NFATC1: variants seen among roughly 807,000 people sequenced by gnomAD.
NFATC1 encodes nuclear factor of activated T cells 1.
A neutral mutation model predicts 76.0 loss-of-function variants in NFATC1; 22 were observed. That is an observed-to-expected ratio of 0.29 (90% CI 0.21 to 0.41). NFATC1 has a LOEUF of 0.41. Ranked by LOEUF, NFATC1 falls within the 10% of genes least tolerant of loss-of-function variation. The pLI, the probability that NFATC1 is intolerant of heterozygous loss-of-function variation, is 1.00. For missense variants in NFATC1, 1,357 were observed against 1,337.7 expected (o/e 1.01, Z -0.23); for synonymous variants, 704 against 613.1 (o/e 1.15, Z -2.19).
chr18:79,428,344 A>G (rs2086471262), intron 2 of NFATC1, among the ~76,000 whole-genome samples: 1 of 152,212 alleles, frequency 6.6e-6, no homozygotes, highest in Non-Finnish European at 1.5e-5. Flanking sequence ...GTAAAGATGC[A>G]AACAGCAGGC....
At position 79,524,767 on chromosome 18, in the gene NFATC1, G is replaced by A. The variant is rs915867859; in HGVS notation, c.2783-2761G>A. ...CGGGGGACACACCGAGGAACTTTCCGCCCCCCGACGGGCTCTCCCACCGAG... is the reference window on the plus strand; with the variant it reads ...CGGGGGACACACCGAGGAACTTTCCACCCCCCGACGGGCTCTCCCACCGAG... On this transcript the variant is annotated intron_variant, in intron 9 of 9. Transcript: ENST00000427363. The surrounding 1 kb of genome is among the most constrained non-coding windows in gnomAD (Gnocchi z 7.2). 1.3e-5 allele frequency among the ~76,000 whole-genome samples: 2 copies of A among 151,956 alleles called. No homozygotes were observed. Among genetic ancestry groups the A allele is most frequent in the South Asian group, 4.2e-4 (2 of 4,812 alleles).
intron 1 of NFATC1, among the ~76,000 whole-genome samples, chr18:79,408,770 C>T (rs2085528394): frequency 6.6e-6 from 1 of 152,170 alleles, no homozygotes; most frequent in African/African-American, 2.4e-5. Context: ...ATTCCCTATG[C>T]ATCCATGCAT....
chr18:79,411,563 CGGGGAGCGGGACGG>C (rs2085686298), intron 2 of NFATC1, 62 bp downstream of exon 2: 1 of 888,216 alleles, frequency 1.1e-6, no homozygotes, highest in African/African-American at 1.8e-5. Flanking sequence ...GGGCGGAACG[CGGGGAGCGGGACGG>C]GGGGCGGCGC....
intron 1 of NFATC1, among the ~76,000 whole-genome samples, chr18:79,399,457 C>T (rs2085108736): frequency 6.6e-6 from 1 of 152,238 alleles, no homozygotes; most frequent in East Asian, 1.9e-4. Flanking sequence ...TCCCACCATC[C>T]TCCTACTATT....
rs190539414 is a variant in NFATC1 at position 79,473,325 on chromosome 18, G to A, written c.2092+5743G>A. On this transcript the variant is annotated intron_variant, in intron 8 of 9. Transcript: ENST00000427363. ...CAGCTTTTATTAAATTTCAGTTTTT[G>A]TCGGTTGCCTCGCTCTTCAGACGGC... Among the ~76,000 whole-genome samples the A allele has an allele frequency of 2.3e-3, 356 of 152,384 alleles. 1 individual carries two copies. Among genetic ancestry groups the A allele is most frequent in the African/African-American group, 8.2e-3 (341 of 41,598 alleles).
At chr18:79,449,032 G>A (rs762775892) in intron 4 of NFATC1, 48 bp downstream of exon 4, 24 of 1,579,868 alleles carry the variant, frequency 1.5e-5, no homozygotes, top group Non-Finnish European at 2.1e-5. Flanking sequence ...GGTAGGAGGG[G>A]GCGTGCCTCC....
chr18:79,402,162 C>G (rs1319197387), intron 1 of NFATC1, among the ~76,000 whole-genome samples: 1 of 152,130 alleles, frequency 6.6e-6, no homozygotes, highest in East Asian at 1.9e-4. Flanking sequence ...AGGACACCGC[C>G]GGCGGCGGCA....
intron 3 of NFATC1, among the ~76,000 whole-genome samples, chr18:79,445,536 G>C (rs8095166): frequency 0.26 from 39,321 of 152,122 alleles, 5,375 homozygotes; most frequent in African/African-American, 0.36. Flanking sequence ...GGGCTGAGAA[G>C]AGGACCCTAG....
In NFATC1 at chr18:79,486,784, C is replaced by T; in HGVS notation, c.2629C>T (p.His877Tyr). The stretch of plus-strand genomic sequence containing the variant: ...CCCGCCCGCCACGGGCCGCCCGCAG[C>T]ACCTGCCGTCCACGGTCCGCAGGGA... Reference protein sequence around the residue: ...ACPPATGRPQHLPSTVRRDES... With the variant: ...ACPPATGRPQYLPSTVRRDES... Residue 877 changes from histidine (H) to tyrosine (Y), a missense_variant, in exon 9 of 10, where the codon CAC (histidine) becomes TAC (tyrosine). By Grantham distance (83) the His-to-Tyr change is moderately conservative. Around this residue, in one of 3 missense-constraint regions of NFATC1, gnomAD observed 424 missense variants for 395.4 expected, o/e 1.07. Transcript: ENST00000427363. The T allele has an allele frequency of 6.2e-7, 1 of 1,609,248 alleles. No individual in the cohort carries two copies. The highest frequency in any genetic ancestry group is 8.5e-7 in the Non-Finnish European group (1 of 1,178,332).
intron 2 of NFATC1, among the ~76,000 whole-genome samples, chr18:79,416,954 C>A (rs1347222588): frequency 6.6e-6 from 1 of 152,174 alleles, no homozygotes; most frequent in African/African-American, 2.4e-5. Context: ...CTGGGCTGGG[C>A]TGGCTCTGAA....
intron 8 of NFATC1, 101 bp from the exon 9 acceptor site, chr18:79,486,147 A>G: frequency 1.0e-6 from 1 of 955,926 alleles, no homozygotes; most frequent in Non-Finnish European, 1.6e-6. Context: ...GGACCCAGTC[A>G]GGGCCCTGTT....
intron 9 of NFATC1, chr18:79,527,287 G>C: frequency 2.1e-6 from 1 of 483,638 alleles, no homozygotes; most frequent in Admixed American, 3.4e-5. Flanking sequence ...CGTCAGAGAC[G>C]TGCTGGTACC....
intron 9 of NFATC1, among the ~76,000 whole-genome samples, chr18:79,508,777 C>G (rs776997783): frequency 2.6e-5 from 4 of 151,888 alleles, no homozygotes; most frequent in Non-Finnish European, 4.4e-5. Context: ...CTCTGTTTCT[C>G]TGTCCCTCTC....
chr18:79,401,675 C>T (rs1005712738), intron 1 of NFATC1, among the ~76,000 whole-genome samples: 1 of 152,248 alleles, frequency 6.6e-6, no homozygotes, highest in African/African-American at 2.4e-5. Context: ...CACTCCCGAC[C>T]TCTCTTTATG....
At chr18:79,503,497 G>C (rs1446260309) in intron 9 of NFATC1, among the ~76,000 whole-genome samples, 1 of 152,208 alleles carries the variant, frequency 6.6e-6, no homozygotes, top group African/African-American at 2.4e-5. Flanking sequence ...TCAATGGTGG[G>C]CTTAAAACCT....
intron 9 of NFATC1, among the ~76,000 whole-genome samples, chr18:79,492,456 T>C (rs1158443589): frequency 6.6e-6 from 1 of 151,848 alleles, no homozygotes; most frequent in Non-Finnish European, 1.5e-5. Flanking sequence ...AGGCCTGTAA[T>C]CCCTGTACTT....
chr18:79,399,919 G>T lies in NFATC1; in HGVS notation c.127+3568G>T, dbSNP rs536189388. ...GCAGGGCGCGCACGTGGCGCTCGGG[G>T]GTCACCGTTGCAGCCGCTTTCCCGA... On this transcript the variant is annotated intron_variant, in intron 1 of 9. Transcript: ENST00000427363. 9.2e-5 allele frequency among the ~76,000 whole-genome samples: 14 copies of T among 152,286 alleles called. No homozygotes were observed. In the East Asian group the frequency reaches 2.7e-3, roughly 30 times the overall value.
At chr18:79,398,741 T>C (rs950973612) in intron 1 of NFATC1, among the ~76,000 whole-genome samples, 20 of 152,228 alleles carry the variant, frequency 1.3e-4, no homozygotes, top group Non-Finnish European at 1.5e-5. Context: ...TGTATAATTT[T>C]ATGGTGGGGG....
chr18:79,419,321 AGTCAGATCATGGAGATCTGAAAT>A (rs1197102279), intron 2 of NFATC1, among the ~76,000 whole-genome samples: 1 of 152,182 alleles, frequency 6.6e-6, no homozygotes. Context: ...AGAGTTTTAC[AGTCAGATCATGGAGATCTGAAAT>A]GTTGCCCCAT....
Sources: gnomAD v4.1 joint callset for allele counts (sites outside exome capture counted in the v4.1 genomes callset) on GRCh38, gnomAD v4.1.1 for gene constraint, gnomAD v4.1.1 regional missense constraint, Gnocchi (gnomAD v3.1) non-coding constraint, MANE v1.5 for transcripts, NCBI Gene and HGNC (gene_info 2026-07-23, HGNC 2026-07-21) for gene names.